SV2C: variants seen among roughly 807,000 people sequenced by gnomAD.
SV2C encodes the protein synaptic vesicle glycoprotein 2C.
In SV2C, 49 loss-of-function variants were observed where a neutral mutation model predicts 79.7. The observed-to-expected ratio is 0.61, with a 90% CI of 0.49 to 0.78. The LOEUF is 0.78. SV2C is among the 30% of genes least tolerant of loss of function. The pLI is 0.00. For missense variants in SV2C, 833 were observed against 912.9 expected, an observed-to-expected ratio of 0.91 and a Z score of 1.13; for synonymous variants, 334 against 333.2, an observed-to-expected ratio of 1.00 and a Z score of -0.03.
At chr5:75,999,675 C>G in the SV2C span, among the ~76,000 whole-genome samples, 1 of 149,984 alleles carries the variant, frequency 6.7e-6, no homozygotes, top group Non-Finnish European at 1.5e-5. Flanking sequence ...TCTACCCAGG[C>G]CTGTCTTAAT....
the SV2C span, among the ~76,000 whole-genome samples, chr5:75,889,321 A>G: frequency 8.8e-5 from 13 of 147,422 alleles, no homozygotes; most frequent in African/African-American, 3.0e-4. Flanking sequence ...TCATTGTTCA[A>G]CTCCCACTTA....
intron 4 of SV2C, among the ~76,000 whole-genome samples, chr5:76,213,003 T>C (rs1361509983): frequency 2.0e-5 from 3 of 152,194 alleles, no homozygotes; most frequent in African/African-American, 7.2e-5. Flanking sequence ...AAACAATGCA[T>C]GAAAAGTTAC....
the SV2C span, among the ~76,000 whole-genome samples, chr5:76,030,289 T>TTAATTTATTTATTTA: frequency 4.2e-5 from 5 of 117,912 alleles, no homozygotes; most frequent in African/African-American, 1.9e-4. Flanking sequence ...TTTTTTTTTT[T>TTAATTTATTTATTTA]TTTATTTATT....
chr5:76,212,968 A>G (rs1289603489), intron 4 of SV2C, among the ~76,000 whole-genome samples: 2 of 152,224 alleles, frequency 1.3e-5, no homozygotes, highest in Non-Finnish European at 2.9e-5. Flanking sequence ...ATATATAACT[A>G]GAATGAGGGA....
At chr5:76,260,029 C>T (rs1746411363) in intron 4 of SV2C, among the ~76,000 whole-genome samples, 1 of 152,184 alleles carries the variant, frequency 6.6e-6, no homozygotes, top group Non-Finnish European at 1.5e-5. Context: ...CACACTGCTT[C>T]CACAATGGTC....
the SV2C span, among the ~76,000 whole-genome samples, chr5:75,958,232 CTA>C: frequency 1.5e-4 from 23 of 152,096 alleles, no homozygotes; most frequent in Middle Eastern, 3.4e-3. Context: ...CATCAACTGA[CTA>C]TGTGACCAGA....
At chr5:75,955,787 G>C in the SV2C span, among the ~76,000 whole-genome samples, 1 of 148,684 alleles carries the variant, frequency 6.7e-6, no homozygotes, top group Non-Finnish European at 1.5e-5. Flanking sequence ...CAAAAAACAC[G>C]TGAAAAAATG....
rs766122089 is a variant in SV2C, at chr5:76,329,014, C to T, written c.*3467C>T. 1 of 152,228 alleles carries T rather than the reference C, an allele frequency of 6.6e-6. No homozygotes were observed. Among genetic ancestry groups the T allele is most frequent in the Non-Finnish European group, 1.5e-5 (1 of 68,064 alleles). 9.4% of individuals were successfully genotyped at this position (152,228 alleles called of 1,614,324 possible). ...CTCCTGACCTCAAGTGATCGGCCCA[C>T]CTCAGCCTCCCAAAATGCTGGGATT... On this transcript the variant is annotated 3_prime_UTR_variant, in exon 13 of 13. Transcript: ENST00000502798.
At chr5:76,305,122 A>T (rs1748140239) in intron 12 of SV2C, among the ~76,000 whole-genome samples, 1 of 152,116 alleles carries the variant, frequency 6.6e-6, no homozygotes, top group African/African-American at 2.4e-5. Flanking sequence ...GAACTCACTC[A>T]CCATTGCGAG....
chr5:76,116,497 G>A (rs926577991), intron 1 of SV2C, among the ~76,000 whole-genome samples: 3 of 152,144 alleles, frequency 2.0e-5, no homozygotes, highest in Admixed American at 6.5e-5. Context: ...AGTCCCCACC[G>A]CCTTCCCTAA....
intron 4 of SV2C, among the ~76,000 whole-genome samples, chr5:76,269,442 C>A (rs1746772133): frequency 6.6e-6 from 1 of 152,086 alleles, no homozygotes; most frequent in African/African-American, 2.4e-5. Context: ...ATTTGATTGC[C>A]CTACCTGGGC....
At chr5:76,164,721 A>AGTGT (rs10651569) in intron 2 of SV2C, among the ~76,000 whole-genome samples, 6,944 of 141,848 alleles carry the variant, frequency 0.049, 338 homozygotes, top group African/African-American at 0.12. Context: ...GATGGAACTC[A>AGTGT]GTGTGTGTGT....
chr5:75,981,642 G>C, the SV2C span, among the ~76,000 whole-genome samples: 1 of 152,120 alleles, frequency 6.6e-6, no homozygotes, highest in Non-Finnish European at 1.5e-5. Flanking sequence ...GACAAATGGT[G>C]CTGGGATAAC....
At position 76,300,886 on chromosome 5, in the gene SV2C, T is replaced by C. The variant is rs776653154; in HGVS notation, c.1794T>C (p.Ile598=). 5.0e-6 allele frequency: 8 copies of C among 1,614,050 alleles called. No individual in the cohort carries two copies. The highest frequency in any genetic ancestry group is 1.7e-5 in the Admixed American group (1 of 60,010). ...LGTLAVLPGN[I]VSALLMDRIG... ...CATTGGCAGTATTGCCAGGGAACATTGTGTCTGCTCTGCTGATGGACAGAA... is the reference window on the plus strand; with the variant it reads ...CATTGGCAGTATTGCCAGGGAACATCGTGTCTGCTCTGCTGATGGACAGAA... Residue 598 remains isoleucine (I), a synonymous_variant, in exon 11 of 13, where the codon ATT becomes ATC. Transcript: ENST00000502798.
At chr5:76,138,550 A>G (rs1050018553) in intron 2 of SV2C, among the ~76,000 whole-genome samples, 1 of 152,226 alleles carries the variant, frequency 6.6e-6, no homozygotes, top group Non-Finnish European at 1.5e-5. Flanking sequence ...CAAATGAGAA[A>G]TTTGATTGCC....
intron 4 of SV2C, among the ~76,000 whole-genome samples, chr5:76,265,533 C>T (rs1746624021): frequency 6.6e-6 from 1 of 152,222 alleles, no homozygotes; most frequent in African/African-American, 2.4e-5. Flanking sequence ...ACAAAGAATA[C>T]TCCTACAGCT....
At chr5:76,253,659 C>G (rs1398644310) in intron 4 of SV2C, among the ~76,000 whole-genome samples, 7 of 145,842 alleles carry the variant, frequency 4.8e-5, no homozygotes, top group South Asian at 2.2e-4. Flanking sequence ...CACATCCAGC[C>G]GTTTCTGGGA....
At chr5:76,011,800 C>G in the SV2C span, among the ~76,000 whole-genome samples, 1 of 152,096 alleles carries the variant, frequency 6.6e-6, no homozygotes, top group Admixed American at 6.6e-5. Context: ...GTTATATTCT[C>G]CTCCCTGTGT....
At chr5:75,974,700 A>T in the SV2C span, among the ~76,000 whole-genome samples, 1 of 152,148 alleles carries the variant, frequency 6.6e-6, no homozygotes, top group Non-Finnish European at 1.5e-5. Flanking sequence ...ATAATAACAG[A>T]TTACCTGTTA....
Sources: gnomAD v4.1 joint callset for allele counts (sites outside exome capture counted in the v4.1 genomes callset) on GRCh38, gnomAD v4.1.1 for gene constraint, MANE v1.5 for transcripts, NCBI Gene and HGNC (gene_info 2026-07-23, HGNC 2026-07-21) for gene names.